The following NRXN3 variants were observed in gnomAD, a reference collection of about 807,000 sequenced individuals.
The protein encoded by NRXN3 is neurexin III.
Under a neutral mutation model 137.6 loss-of-function variants are expected in NRXN3, and 32 were observed. The observed-to-expected ratio is 0.23, with a 90% CI of 0.18 to 0.31. The LOEUF (loss-of-function observed/expected upper bound fraction) is 0.31. Ranked by LOEUF, NRXN3 falls within the 10% of genes least tolerant of loss-of-function variation. NRXN3 has a pLI of 1.00. For missense variants in NRXN3, 1,574 were observed against 2,062.5 expected (o/e 0.76, Z 4.59); for synonymous variants, 798 against 784.5 (o/e 1.02, Z -0.29).
chr14:78,357,351 C>T (rs1050222108), intron 4 of NRXN3, among the ~76,000 whole-genome samples: 6 of 152,192 alleles, frequency 3.9e-5, no homozygotes, highest in South Asian at 2.1e-4. Flanking sequence ...AGGAAAGGCC[C>T]GCCGCCATAA....
intron 8 of NRXN3, among the ~76,000 whole-genome samples, chr14:78,757,402 C>T (rs777488943): frequency 1.1e-4 from 13 of 114,792 alleles, no homozygotes; most frequent in Non-Finnish European, 1.9e-4. Context: ...AGAGAGATTC[C>T]ATCTCTTAAA....
At chr14:79,026,960 A>AAC (rs2099599314) in intron 15 of NRXN3, among the ~76,000 whole-genome samples, 7 of 176 alleles carry the variant, frequency 0.04, no homozygotes, top group Non-Finnish European at 0.14. Flanking sequence ...TTATATATAT[A>AAC]TATATATATA....
rs1295898471 is a variant in NRXN3 at position 79,360,152 on chromosome 14, G to A, written c.3263-107069G>A. ...TATTAAATATACATTAATGTATTAC[G>A]GGAATTGTAACCGTAGCTTCCTCCC... On this transcript the variant is annotated intron_variant, in intron 15 of 20. Transcript: ENST00000335750. 2.6e-5 allele frequency among the ~76,000 whole-genome samples: 4 copies of A among 152,130 alleles called. 1 individual carries two copies. Among genetic ancestry groups the A allele is most frequent in the South Asian group, 4.1e-4 (2 of 4,826 alleles).
intron 6 of NRXN3, among the ~76,000 whole-genome samples, chr14:78,691,533 G>A (rs962089242): frequency 6.6e-6 from 1 of 152,146 alleles, no homozygotes; most frequent in Non-Finnish European, 1.5e-5. Flanking sequence ...AATTCTAGTG[G>A]ATGCCTTGGC....
chr14:79,443,280 A>T (rs1402305917), intron 15 of NRXN3, among the ~76,000 whole-genome samples: 1 of 152,194 alleles, frequency 6.6e-6, no homozygotes, highest in African/African-American at 2.4e-5. Flanking sequence ...ATGAAGAAGA[A>T]GGATAAAAAG....
intron 2 of NRXN3, among the ~76,000 whole-genome samples, chr14:78,276,645 G>A (rs2153496535): frequency 6.6e-6 from 1 of 152,304 alleles, no homozygotes; most frequent in African/African-American, 2.4e-5. Flanking sequence ...AGGCCACAGA[G>A]AGGCTGGGAT....
chr14:78,346,693 C>T (rs1327190470), intron 4 of NRXN3, among the ~76,000 whole-genome samples: 1 of 152,174 alleles, frequency 6.6e-6, no homozygotes, highest in African/African-American at 2.4e-5. Context: ...TCTGCACCTG[C>T]TCAGATAACT....
chr14:78,951,943 T>A (rs2099387981), intron 10 of NRXN3, among the ~76,000 whole-genome samples: 1 of 152,140 alleles, frequency 6.6e-6, no homozygotes. Flanking sequence ...GTCTCAATGG[T>A]ATGTTTGCTT....
intron 4 of NRXN3, among the ~76,000 whole-genome samples, chr14:78,349,768 C>A (rs1486210024): frequency 6.6e-6 from 1 of 152,186 alleles, no homozygotes; most frequent in Non-Finnish European, 1.5e-5. Context: ...AGTATTATTC[C>A]TAGTCATTGT....
At chr14:79,291,867 G>A (rs1233768373) in intron 15 of NRXN3, among the ~76,000 whole-genome samples, 1 of 151,894 alleles carries the variant, frequency 6.6e-6, no homozygotes, top group African/African-American at 2.4e-5. Context: ...GGTCTACCTA[G>A]ATACAGGATA....
At chr14:78,314,990 T>C (rs61976026) in intron 4 of NRXN3, among the ~76,000 whole-genome samples, 7,421 of 63,250 alleles carry the variant, frequency 0.12, 733 homozygotes, top group East Asian at 0.23. Context: ...TTCCTTCCTT[T>C]CTCTTTCTTT....
intron 16 of NRXN3, among the ~76,000 whole-genome samples, chr14:79,482,997 C>T (rs1198517370): frequency 6.6e-6 from 1 of 152,170 alleles, no homozygotes; most frequent in Non-Finnish European, 1.5e-5. Context: ...ACAGAGTATT[C>T]GCTTCCTTTT....
intron 15 of NRXN3, among the ~76,000 whole-genome samples, chr14:79,374,768 G>T (rs893161515): frequency 6.6e-6 from 1 of 152,054 alleles, no homozygotes; most frequent in African/African-American, 2.4e-5. Context: ...TTCATGTACT[G>T]ATTTATAATT....
At chr14:79,843,983 G>A (rs909783636) in intron 20 of NRXN3, among the ~76,000 whole-genome samples, 36 of 152,158 alleles carry the variant, frequency 2.4e-4, no homozygotes, top group African/African-American at 8.0e-4. Flanking sequence ...CCACCTATAA[G>A]AGAGAGCATA....
At chr14:78,556,647 G>T (rs1205518900) in intron 4 of NRXN3, among the ~76,000 whole-genome samples, 1 of 152,110 alleles carries the variant, frequency 6.6e-6, no homozygotes, top group Non-Finnish European at 1.5e-5. Flanking sequence ...GCTCTCTGGA[G>T]ATTCTTTGCT....
chr14:78,567,570 C>T (rs1007863177), intron 4 of NRXN3, among the ~76,000 whole-genome samples: 1 of 152,108 alleles, frequency 6.6e-6, no homozygotes, highest in Non-Finnish European at 1.5e-5. Flanking sequence ...GCTAATGGGG[C>T]TCCCCCAGCC....
rs962076274 is a variant in NRXN3, at chr14:79,307,117, G to A, written c.3263-160104G>A. Among the ~76,000 whole-genome samples the A allele has an allele frequency of 4.6e-5, 7 of 152,192 alleles. No homozygotes were observed. In the East Asian group the frequency reaches 5.8e-4, roughly 13 times the overall value. Reference sequence around the variant, plus strand: ...GACAGCCACAATTTATCAAATGTTAGCAATGCACCAAAGCCTAAGAATGAT... The same window carrying A: ...GACAGCCACAATTTATCAAATGTTAACAATGCACCAAAGCCTAAGAATGAT... On this transcript the variant is annotated intron_variant, in intron 15 of 20. Coordinates refer to ENST00000335750, the MANE Select transcript of NRXN3 (RefSeq NM_001330195.2).
chr14:78,552,807 G>A (rs1394807324), intron 4 of NRXN3, among the ~76,000 whole-genome samples: 3 of 152,152 alleles, frequency 2.0e-5, no homozygotes, highest in African/African-American at 4.8e-5. Context: ...GGTGACTATA[G>A]CCTATAATAA....
At chr14:78,887,373 C>CT (rs1298828612) in intron 10 of NRXN3, among the ~76,000 whole-genome samples, 4 of 150,968 alleles carry the variant, frequency 2.6e-5, no homozygotes, top group Non-Finnish European at 4.4e-5. Context: ...TTTTATCTTT[C>CT]TTTTTTTTTC....
Sources: allele counts gnomAD v4.1 joint callset (sites outside exome capture counted in the v4.1 genomes callset), GRCh38; gene constraint gnomAD v4.1.1; transcripts MANE v1.5; gene names NCBI Gene and HGNC (gene_info 2026-07-23, HGNC 2026-07-21).